Variants in AFF3 observed in about 807,000 individuals in gnomAD.
AFF3 encodes the protein AF4/FMR2 family member 3.
Under a neutral mutation model 129.7 loss-of-function variants are expected in AFF3, and 32 were observed. That is an observed-to-expected ratio of 0.25 (90% CI 0.19 to 0.33). AFF3 has a LOEUF of 0.33. Among genes scored for constraint, AFF3 ranks in the 10% least tolerant of loss-of-function variants. The pLI is 1.00. For synonymous variants in AFF3, 644 were observed against 635.4 expected, an observed-to-expected ratio of 1.01 and a Z score of -0.20; for missense variants, 1,373 against 1,592.0, an observed-to-expected ratio of 0.86 and a Z score of 2.34.
chr2:99,771,262 TG>T (rs1683457376), intron 8 of AFF3, among the ~76,000 whole-genome samples: 1 of 151,976 alleles, frequency 6.6e-6, no homozygotes, highest in Non-Finnish European at 1.5e-5. Flanking sequence ...AGGCCTGCCA[TG>T]GGGGATCATC....
intron 13 of AFF3, among the ~76,000 whole-genome samples, chr2:99,618,061 C>T (rs1681611860): frequency 6.6e-6 from 1 of 151,934 alleles, no homozygotes; most frequent in Admixed American, 6.6e-5. Flanking sequence ...TCAGACAGAC[C>T]CAGGTGGACG....
chr2:100,116,694 A>G (rs1256860563), intron 2 of AFF3, among the ~76,000 whole-genome samples: 15 of 152,116 alleles, frequency 9.9e-5, no homozygotes, highest in Non-Finnish European at 7.4e-5. Context: ...TTTTCTATAT[A>G]TTAAACCCCC....
chr2:99,798,069 G>T (rs557207028), intron 8 of AFF3, among the ~76,000 whole-genome samples: 124 of 151,886 alleles, frequency 8.2e-4, no homozygotes, highest in Middle Eastern at 3.4e-3. Flanking sequence ...TATATTTTTG[G>T]AGTTGATAAC....
chr2:99,877,770 T>C (rs905849928), intron 7 of AFF3, among the ~76,000 whole-genome samples: 1 of 152,230 alleles, frequency 6.6e-6, no homozygotes, highest in Non-Finnish European at 1.5e-5. Context: ...CTAGACACTA[T>C]CTAGACTCTA....
rs1025143246 is a variant in AFF3, at chr2:99,860,330, G to T, written c.874-22806C>A. 3.9e-5 allele frequency among the ~76,000 whole-genome samples: 6 copies of T among 152,074 alleles called. 1 individual carries two copies. In the South Asian group the frequency reaches 1.2e-3, roughly 32 times the overall value. ...GCACTCTGGGAGGCCGAGGTGGGCA[G>T]ATCACGAGGTCAGGAGATTGAGACC... is the stretch of plus-strand genomic sequence containing the variant. On this transcript the variant is annotated intron_variant, in intron 7 of 24. Transcript: ENST00000672756.
chr2:99,891,748 G>A (rs921702575), intron 7 of AFF3, among the ~76,000 whole-genome samples: 1 of 152,124 alleles, frequency 6.6e-6, no homozygotes, highest in Non-Finnish European at 1.5e-5. Flanking sequence ...CTTTTCCCAG[G>A]GTCCCACAGC....
chr2:99,575,682 C>T (rs1309600943), intron 18 of AFF3, among the ~76,000 whole-genome samples: 2 of 152,114 alleles, frequency 1.3e-5, no homozygotes, highest in Non-Finnish European at 2.9e-5. Context: ...GGACATATGG[C>T]AATTGGAATG....
intron 7 of AFF3, among the ~76,000 whole-genome samples, chr2:99,845,336 G>A (rs1048128945): frequency 4.6e-5 from 7 of 152,146 alleles, no homozygotes; most frequent in South Asian, 2.1e-4. Context: ...AGAAATTAGC[G>A]ATCTGAATCA....
intron 5 of AFF3, chr2:100,007,897 C>G (rs1682123868): frequency 5.6e-6 from 1 of 179,182 alleles, no homozygotes; most frequent in Non-Finnish European, 1.2e-5. Flanking sequence ...ATCACTTGAA[C>G]CTGGGAGGCA....
intron 13 of AFF3, among the ~76,000 whole-genome samples, chr2:99,612,989 G>A (rs538188756): frequency 7.2e-5 from 11 of 152,276 alleles, no homozygotes; most frequent in South Asian, 6.2e-4. Context: ...GTGGAATTAT[G>A]GGGATTAAAT....
At chr2:99,912,217 T>TA (rs1166889716) in intron 7 of AFF3, among the ~76,000 whole-genome samples, 2 of 152,216 alleles carry the variant, frequency 1.3e-5, no homozygotes, top group Non-Finnish European at 2.9e-5. Flanking sequence ...CTAGCATTAT[T>TA]AGAGGCTTAG....
rs377589835 is a variant in AFF3, at chr2:99,554,353, C to T, written c.3517G>A (p.Asp1173Asn). 5 of 1,614,062 alleles carry T rather than the reference C, an allele frequency of 3.1e-6. No homozygotes were observed. The highest frequency in any genetic ancestry group is 4.2e-6 in the Non-Finnish European group (5 of 1,180,048). Residue 1173 changes from aspartate (D) to asparagine (N), a missense_variant, in exon 24 of 25, where the codon GAC becomes AAC. Transcript: ENST00000672756. ...AGGTTGTCGGCCATCTCCCAGTAGT[C>T]GTAGCTGTGCAGGATGCTGTTGGTG... ...SITNSILHSY[D>N]YWEMADNLAK...
At chr2:99,985,612 CACA>C (rs1576483068) in intron 7 of AFF3, among the ~76,000 whole-genome samples, 2 of 152,266 alleles carry the variant, frequency 1.3e-5, no homozygotes, top group Non-Finnish European at 2.9e-5. Flanking sequence ...TTAAAATTCA[CACA>C]ACAACATGGA....
At chr2:99,966,421 T>A (rs1174482911) in intron 7 of AFF3, among the ~76,000 whole-genome samples, 1 of 151,896 alleles carries the variant, frequency 6.6e-6, no homozygotes, top group African/African-American at 2.4e-5. Flanking sequence ...CCGGGCGCGG[T>A]GGCTCACGCC....
chr2:99,601,748 A>G lies in AFF3; in HGVS notation c.1185-127T>C, dbSNP rs548240008. Reference sequence around the variant, plus strand: ...CACGCAGCCTACACATCTGTCAACCATGACCTGGAACTCAAAGAGCAGGCA... The same window carrying G: ...CACGCAGCCTACACATCTGTCAACCGTGACCTGGAACTCAAAGAGCAGGCA... On this transcript the variant is annotated intron_variant, in intron 13 of 24. Transcript: ENST00000672756. 1.5e-5 allele frequency: 17 copies of G among 1,127,484 alleles called. No individual in the cohort carries two copies. In the Admixed American group the frequency reaches 3.2e-4, roughly 21 times the overall value. 69.8% of individuals were successfully genotyped at this position (1,127,484 alleles called of 1,614,324 possible).
intron 11 of AFF3, among the ~76,000 whole-genome samples, chr2:99,685,347 T>G (rs1433287146): frequency 1.3e-5 from 2 of 152,340 alleles, no homozygotes; most frequent in East Asian, 1.9e-4. Flanking sequence ...CTGATTACCC[T>G]GCCAACATGC....
At chr2:99,815,387 C>G (rs1378482380) in intron 8 of AFF3, among the ~76,000 whole-genome samples, 1 of 152,210 alleles carries the variant, frequency 6.6e-6, no homozygotes, top group Non-Finnish European at 1.5e-5. Flanking sequence ...ACTCCATACT[C>G]ATTAAACAAT....
chr2:99,574,487 T>G (rs1676804507), intron 18 of AFF3, among the ~76,000 whole-genome samples: 2 of 152,152 alleles, frequency 1.3e-5, no homozygotes, highest in Non-Finnish European at 2.9e-5. Context: ...AAAACGGGCT[T>G]GGAAACCCAT....
intron 8 of AFF3, among the ~76,000 whole-genome samples, chr2:99,831,992 T>C (rs936650702): frequency 3.9e-5 from 6 of 152,364 alleles, no homozygotes; most frequent in Admixed American, 2.6e-4. Context: ...ATGTGGCAGC[T>C]GTTCAAAGGT....
Sources: gnomAD v4.1 joint callset for allele counts (sites outside exome capture counted in the v4.1 genomes callset) on GRCh38, gnomAD v4.1.1 for gene constraint, MANE v1.5 for transcripts, NCBI Gene and HGNC (gene_info 2026-07-23, HGNC 2026-07-21) for gene names.